Variants in DSCAM observed in about 807,000 individuals in gnomAD.
DSCAM encodes the protein cell adhesion molecule DSCAM.
A neutral mutation model predicts 217.7 loss-of-function variants in DSCAM; 47 were observed. The observed-to-expected ratio is 0.22, with a 90% CI of 0.17 to 0.28. The LOEUF (loss-of-function observed/expected upper bound fraction) is 0.28, where lower values mean the gene tolerates loss of function less well. Among genes scored for constraint, DSCAM ranks in the 10% least tolerant of loss-of-function variants. DSCAM has a pLI of 1.00. For synonymous variants in DSCAM, 1,056 were observed against 1,015.3 expected, an observed-to-expected ratio of 1.04 and a Z score of -0.76; for missense variants, 2,080 against 2,618.3, an observed-to-expected ratio of 0.79 and a Z score of 4.49.
At chr21:40,601,155 C>T (rs1219874669) in intron 3 of DSCAM, among the ~76,000 whole-genome samples, 1 of 152,162 alleles carries the variant, frequency 6.6e-6, no homozygotes, top group African/African-American at 2.4e-5. Context: ...CTGTCCATGA[C>T]AATAGAATCT....
chr21:40,059,650 A>G (rs2089083133), intron 28 of DSCAM, among the ~76,000 whole-genome samples: 1 of 152,230 alleles, frequency 6.6e-6, no homozygotes, highest in Non-Finnish European at 1.5e-5. Flanking sequence ...CATTTAGAAC[A>G]CAGAATGTGG....
At chr21:40,259,661 CTTTT>C (rs542106779) in intron 11 of DSCAM, among the ~76,000 whole-genome samples, 2 of 59,518 alleles carry the variant, frequency 3.4e-5, no homozygotes, top group African/African-American at 9.5e-5. Flanking sequence ...GTCAGCCATT[CTTTT>C]TTTTTTTTTT....
chr21:40,199,208 A>T (rs528806330), intron 11 of DSCAM, among the ~76,000 whole-genome samples: 2 of 152,222 alleles, frequency 1.3e-5, no homozygotes, highest in East Asian at 3.9e-4. Context: ...TCAATACATC[A>T]CGATTATCTT....
At chr21:40,346,133 A>G (rs530999311) in intron 6 of DSCAM, among the ~76,000 whole-genome samples, 27 of 152,220 alleles carry the variant, frequency 1.8e-4, no homozygotes, top group Admixed American at 3.3e-4. Context: ...TTTTTCTACA[A>G]AGAATCTAAA....
chr21:40,710,735 A>G (rs2090771130), intron 1 of DSCAM, among the ~76,000 whole-genome samples: 1 of 152,226 alleles, frequency 6.6e-6, no homozygotes, highest in Non-Finnish European at 1.5e-5. Flanking sequence ...AAGTTAAATA[A>G]AAGATTTATA....
chr21:40,793,665 AT>A (rs1458016700), intron 1 of DSCAM, among the ~76,000 whole-genome samples: 1 of 151,692 alleles, frequency 6.6e-6, no homozygotes, highest in Admixed American at 6.6e-5. Flanking sequence ...TAATTTTCGT[AT>A]TTTTAGTAGA....
Position 40,085,663 on chromosome 21 carries a change from G to A in DSCAM, c.4071C>T (p.Tyr1357=). ...CCCAGTTGTTATTGGCAATGCAGCT[G>A]TAATAGCCGGAGTCTTCTGCTTTCA... ...RTVKAEDSGY[Y]SCIANNNWGS... The change falls in exon 23 of 33, where the codon TAC becomes TAT. Residue 1357 remains tyrosine (Y), a synonymous_variant. Coordinates refer to ENST00000400454, the MANE Select transcript of DSCAM (RefSeq NM_001389.5). The A allele has an allele frequency of 6.3e-7, 1 of 1,594,702 alleles. No individual in the cohort carries two copies. Among genetic ancestry groups the A allele is most frequent in the Non-Finnish European group, 8.6e-7 (1 of 1,164,880 alleles).
chr21:40,629,037 C>T (rs988933444), intron 3 of DSCAM, among the ~76,000 whole-genome samples: 2 of 151,556 alleles, frequency 1.3e-5, no homozygotes, highest in South Asian at 4.2e-4. Context: ...ATATATCTAT[C>T]TTTTTGTGTG....
intron 3 of DSCAM, among the ~76,000 whole-genome samples, chr21:40,682,439 G>A (rs142290816): frequency 6.6e-6 from 1 of 151,486 alleles, no homozygotes; most frequent in African/African-American, 2.4e-5. Flanking sequence ...AACCAAAGGA[G>A]AGCAACTGCT....
intron 1 of DSCAM, among the ~76,000 whole-genome samples, chr21:40,759,700 G>C (rs2091311704): frequency 6.6e-6 from 1 of 152,144 alleles, no homozygotes; most frequent in Non-Finnish European, 1.5e-5. Context: ...TCTGGCTTCA[G>C]TCCAGGACTT....
At chr21:40,206,762 A>G (rs191778407) in intron 11 of DSCAM, among the ~76,000 whole-genome samples, 26 of 151,560 alleles carry the variant, frequency 1.7e-4, no homozygotes, top group Admixed American at 1.7e-3. Context: ...AAAATAATAA[A>G]TAACTGAGCA....
intron 14 of DSCAM, among the ~76,000 whole-genome samples, chr21:40,186,063 T>C (rs2090891223): frequency 6.6e-6 from 1 of 152,220 alleles, no homozygotes; most frequent in Non-Finnish European, 1.5e-5. Context: ...GATACTACTT[T>C]TCAAAACACT....
intron 3 of DSCAM, among the ~76,000 whole-genome samples, chr21:40,617,610 T>C (rs2089421291): frequency 6.6e-6 from 1 of 152,234 alleles, no homozygotes; most frequent in Non-Finnish European, 1.5e-5. Context: ...ACAATTGTTT[T>C]TCGTGGGAAC....
At chr21:40,595,215 A>T (rs1469416407) in intron 3 of DSCAM, among the ~76,000 whole-genome samples, 1 of 151,936 alleles carries the variant, frequency 6.6e-6, no homozygotes, top group Non-Finnish European at 1.5e-5. Context: ...CCGTCTCTCC[A>T]AAAAATACAA....
chr21:40,276,244 T>C lies in DSCAM; in HGVS notation c.2209A>G (p.Ile737Val). 1 of 1,608,866 alleles carries C rather than the reference T, an allele frequency of 6.2e-7. No individual in the cohort carries two copies. Among genetic ancestry groups the C allele is most frequent in the South Asian group, 1.1e-5 (1 of 89,992 alleles). ...ACTTGGATTCGGCCATTTAGGGCAA[T>C]TGGCTGGAACTGGGGAACCCCAGCA... ...KGAGVPQFQPIALNGRIQVLS... is the reference protein window; with the variant it reads ...KGAGVPQFQPVALNGRIQVLS... Residue 737 changes from isoleucine (I) to valine (V), a missense_variant, in exon 11 of 33, where the codon ATT becomes GTT. Around this residue, in one of 5 missense-constraint regions of DSCAM, gnomAD observed 218 missense variants for 364.1 expected, o/e 0.60. Transcript: ENST00000400454.
In DSCAM at chr21:40,308,019, C is replaced by A. The variant is rs556514745; in HGVS notation, c.2062+4062G>T. Among the ~76,000 whole-genome samples the A allele has an allele frequency of 5.3e-5, 8 of 151,796 alleles. No individual in the cohort carries two copies. The South Asian group carries it at 1.7e-3, about 32-fold the overall frequency. On this transcript the variant is annotated intron_variant, in intron 9 of 32. Transcript: ENST00000400454. The stretch of plus-strand genomic sequence containing the variant: ...TGATGGGTGCAGCACACCAGCATGG[C>A]ACATGTATACATATGTAACTAACCT...
At chr21:40,368,924 T>G (rs893854828) in intron 4 of DSCAM, among the ~76,000 whole-genome samples, 175 bp downstream of exon 4, 3 of 152,242 alleles carry the variant, frequency 2.0e-5, no homozygotes, top group Non-Finnish European at 4.4e-5. Context: ...AATCTGTATT[T>G]CTATGAAATT....
intron 3 of DSCAM, among the ~76,000 whole-genome samples, chr21:40,553,500 C>T (rs2076646526): frequency 2.0e-5 from 3 of 152,176 alleles, no homozygotes; most frequent in Admixed American, 2.0e-4. Flanking sequence ...TGCAAGAAGG[C>T]CCCTGCATTA....
intron 3 of DSCAM, among the ~76,000 whole-genome samples, chr21:40,400,765 T>C (rs991316170): frequency 1.3e-5 from 2 of 152,248 alleles, no homozygotes; most frequent in African/African-American, 4.8e-5. Flanking sequence ...TTTCATACTC[T>C]GTTATGTTAA....
Sources: gnomAD v4.1 joint callset for allele counts (sites outside exome capture counted in the v4.1 genomes callset) on GRCh38, gnomAD v4.1.1 for gene constraint, gnomAD v4.1.1 regional missense constraint, MANE v1.5 for transcripts, NCBI Gene and HGNC (gene_info 2026-07-23, HGNC 2026-07-21) for gene names.